MYT1L: variants seen among roughly 807,000 people sequenced by gnomAD.
MYT1L encodes the protein myelin transcription factor 1-like protein.
A neutral mutation model predicts 126.7 loss-of-function variants in MYT1L; 12 were observed. The ratio of observed to expected loss-of-function variants is 0.09; its 90% CI spans 0.06 to 0.15. MYT1L has a LOEUF of 0.15. MYT1L is among the 10% of genes least tolerant of loss of function. The pLI, the probability that MYT1L is intolerant of heterozygous loss-of-function variation, is 1.00. For synonymous variants in MYT1L, 541 were observed against 604.2 expected (o/e 0.90, Z 1.53); for missense variants, 979 against 1,585.2 (o/e 0.62, Z 6.49).
chr2:2,329,899 C>A (rs1225252770), intron 1 of MYT1L, among the ~76,000 whole-genome samples: 4 of 151,348 alleles, frequency 2.6e-5, no homozygotes, highest in Admixed American at 6.6e-5. Flanking sequence ...CTCTTAGTAG[C>A]ATTTATAACT....
chr2:2,015,907 A>G (rs2064333856), intron 4 of MYT1L, among the ~76,000 whole-genome samples: 2 of 152,228 alleles, frequency 1.3e-5, no homozygotes, highest in Non-Finnish European at 2.9e-5. Context: ...CCCTCCAGGA[A>G]TATGGGTGGG....
rs575799925 is a variant in MYT1L at position 1,865,633 on chromosome 2, G to A, written c.2712-13930C>T. On this transcript the variant is annotated intron_variant, in intron 18 of 24. Transcript: ENST00000647738. ...AGCTAGGCCAGGTTACAGAGGTCCC[G>A]GATCTCCTGGAGGCTGGCAGCCTTC... Among the ~76,000 whole-genome samples the A allele has an allele frequency of 2.6e-5, 4 of 151,774 alleles. No individual in the cohort carries two copies. The East Asian group carries it at 5.8e-4, about 22-fold the overall frequency.
intron 1 of MYT1L, chr2:2,303,772 A>C (rs541226224): frequency 2.6e-5 from 4 of 152,378 alleles, no homozygotes; most frequent in African/African-American, 7.2e-5. Context: ...ACCACAGTTC[A>C]TAGTTGTGTT....
At chr2:1,920,960 C>A (rs1251051957) in intron 10 of MYT1L, among the ~76,000 whole-genome samples, 2 of 152,232 alleles carry the variant, frequency 1.3e-5, no homozygotes, top group Non-Finnish European at 2.9e-5. Context: ...AGTCCCCGAG[C>A]CTCTGGCTAA....
intron 4 of MYT1L, among the ~76,000 whole-genome samples, chr2:2,049,552 G>A (rs2150072060): frequency 6.6e-6 from 1 of 152,174 alleles, no homozygotes; most frequent in Non-Finnish European, 1.5e-5. Context: ...CATAAATTAT[G>A]AATATAGATA....
intron 9 of MYT1L, among the ~76,000 whole-genome samples, chr2:1,942,323 G>A (rs1033135113): frequency 1.3e-5 from 2 of 152,152 alleles, no homozygotes; most frequent in African/African-American, 2.4e-5. Context: ...ACGCACTGCC[G>A]GGAACATTCC....
At chr2:2,032,125 C>T (rs1574675691) in intron 4 of MYT1L, among the ~76,000 whole-genome samples, 1 of 127,944 alleles carries the variant, frequency 7.8e-6, no homozygotes, top group South Asian at 2.9e-4. Flanking sequence ...ATCCTGTGGC[C>T]CAGAGCAGAT....
At chr2:1,969,639 T>A (rs1390585369) in intron 8 of MYT1L, among the ~76,000 whole-genome samples, 1 of 152,152 alleles carries the variant, frequency 6.6e-6, no homozygotes, top group Non-Finnish European at 1.5e-5. Flanking sequence ...ATGTCTGACT[T>A]GCTTGTCAGT....
chr2:2,330,908 G>C (rs1249218003), intron 1 of MYT1L, 59 bp downstream of exon 1: 3 of 152,108 alleles, frequency 2.0e-5, no homozygotes, highest in East Asian at 1.9e-4. Flanking sequence ...TTGAGCTACG[G>C]TAAAACACAT....
chr2:2,006,393 T>TA (rs1209598386), intron 4 of MYT1L, among the ~76,000 whole-genome samples: 1 of 152,198 alleles, frequency 6.6e-6, no homozygotes, highest in African/African-American at 2.4e-5. Flanking sequence ...AAAATCTACT[T>TA]AGTTAGCAAA....
chr2:1,949,821 C>G (rs76652670), intron 8 of MYT1L, among the ~76,000 whole-genome samples: 90 of 152,216 alleles, frequency 5.9e-4, no homozygotes, highest in Middle Eastern at 3.4e-3. Flanking sequence ...ATTGACCAGT[C>G]GGCTCAGAGG....
intron 21 of MYT1L, among the ~76,000 whole-genome samples, chr2:1,814,073 T>G (rs1572480446): frequency 6.8e-6 from 1 of 147,684 alleles, no homozygotes; most frequent in South Asian, 2.2e-4. Flanking sequence ...ATGAAACCGG[T>G]CCCTTGTGCC....
chr2:2,316,893 C>A, intron 1 of MYT1L, among the ~76,000 whole-genome samples: 1 of 151,918 alleles, frequency 6.6e-6, no homozygotes, highest in East Asian at 1.9e-4. Flanking sequence ...TTACTACAAT[C>A]TCCGCCTCCA....
chr2:1,998,493 T>G (rs1469606423), intron 4 of MYT1L, among the ~76,000 whole-genome samples: 1 of 152,182 alleles, frequency 6.6e-6, no homozygotes, highest in Non-Finnish European at 1.5e-5. Context: ...CTGCTGACCA[T>G]TAGGGACTGA....
chr2:2,266,149 A>C (rs926662928), intron 2 of MYT1L, among the ~76,000 whole-genome samples: 1 of 152,188 alleles, frequency 6.6e-6, no homozygotes, highest in African/African-American at 2.4e-5. Context: ...GGCAGGTTCT[A>C]TCTCCATTTT....
chr2:2,052,640 T>C (rs1002071932), intron 4 of MYT1L, among the ~76,000 whole-genome samples: 1 of 152,176 alleles, frequency 6.6e-6, no homozygotes. Flanking sequence ...AAAGAAGACA[T>C]GCAAATGTCC....
At chr2:1,999,853 C>G (rs762553069) in intron 4 of MYT1L, among the ~76,000 whole-genome samples, 7 of 152,124 alleles carry the variant, frequency 4.6e-5, no homozygotes, top group Non-Finnish European at 8.8e-5. Flanking sequence ...AAAAATTAAA[C>G]AGTTATTAAT....
At chr2:2,233,668 A>C (rs1295848198) in intron 2 of MYT1L, among the ~76,000 whole-genome samples, 5 of 152,180 alleles carry the variant, frequency 3.3e-5, no homozygotes, top group Admixed American at 3.3e-4. Context: ...AAGAGAGCGG[A>C]ACCAGCCATA....
chr2:2,227,709 A>G (rs529061524), intron 2 of MYT1L, among the ~76,000 whole-genome samples: 4 of 152,296 alleles, frequency 2.6e-5, no homozygotes, highest in Non-Finnish European at 5.9e-5. Context: ...TATGTTCACT[A>G]CCATTGTTTT....
Sources: gnomAD v4.1 joint callset for allele counts (sites outside exome capture counted in the v4.1 genomes callset) on GRCh38, gnomAD v4.1.1 for gene constraint, MANE v1.5 for transcripts, NCBI Gene and HGNC (gene_info 2026-07-23, HGNC 2026-07-21) for gene names.